Variants in LTBP3 observed in about 807,000 individuals in gnomAD.
LTBP3 encodes the protein latent-transforming growth factor beta-binding protein 3.
Under a neutral mutation model 159.7 loss-of-function variants are expected in LTBP3, and 97 were observed. The observed-to-expected ratio is 0.61, with a 90% CI of 0.52 to 0.72. The LOEUF is 0.72. LTBP3 is among the 30% of genes least tolerant of loss of function. The probability of loss-of-function intolerance (pLI) is 0.00; values close to 1 mark genes in which losing one functional copy is unlikely to be tolerated. For missense variants in LTBP3, 1,584 were observed against 1,864.3 expected (o/e 0.85, Z 2.77); for synonymous variants, 824 against 777.1 (o/e 1.06, Z -1.00).
chr11:65,551,444 T>G lies in LTBP3; in HGVS notation c.1579A>C (p.Ser527Arg), dbSNP rs1856608766. Residue 527 changes from serine (S) to arginine (R), a missense_variant, in exon 10 of 28, where the codon AGC becomes CGC. Physicochemically the swap from Ser to Arg is moderately radical, Grantham distance 110 (BLOSUM62 -1). Coordinates refer to ENST00000301873, the MANE Select transcript of LTBP3 (RefSeq NM_001130144.3). ...GGAGTCGTGGTGGCAGTTGGGTGGC[T>G]CTGCTGCACTGACCTCTCCTCACTC... ...PVSEERSVQQ[S>R]HPTATTTPAR... 2 of 1,613,796 alleles carry G rather than the reference T, an allele frequency of 1.2e-6. No homozygotes were observed. Among genetic ancestry groups the G allele is most frequent in the Admixed American group, 3.3e-5 (2 of 59,994 alleles).
rs1394412946 is a variant in LTBP3, at chr11:65,557,953, C to G, written c.7G>C (p.Gly3Arg). The change falls in exon 1 of 28, where the codon GGG (glycine) becomes CGG (arginine). Residue 3 changes from glycine (G) to arginine (R), a missense_variant. This residue lies in a region of LTBP3 where 79 missense variants were observed against 64.7 expected (regional missense o/e 1.22). Transcript: ENST00000301873. MP[G>R]PRGAAGGLAP... ...AGGCCGCCAGCAGCCCCTCGGGGCCCGGGCATCCGGGGCCGCAGGACCCGG... is the reference window on the plus strand; with the variant it reads ...AGGCCGCCAGCAGCCCCTCGGGGCCGGGGCATCCGGGGCCGCAGGACCCGG... The G allele has an allele frequency of 5.2e-6, 6 of 1,164,746 alleles. No individual in the cohort carries two copies. Among genetic ancestry groups the G allele is most frequent in the Non-Finnish European group, 6.3e-6 (6 of 947,282 alleles). 72.2% of individuals were successfully genotyped at this position (1,164,746 alleles called of 1,614,324 possible).
chr11:65,556,657 G>T (rs1322087818), intron 1 of LTBP3, among the ~76,000 whole-genome samples: 2 of 152,192 alleles, frequency 1.3e-5, no homozygotes, highest in African/African-American at 4.8e-5. Flanking sequence ...CCAGACACAG[G>T]GGCAATATGC....
At position 65,553,594 on chromosome 11, in the gene LTBP3, G is replaced by T; in HGVS notation, c.865-64C>A. 1 of 1,499,782 alleles carries T rather than the reference G, an allele frequency of 6.7e-7. No homozygotes were observed. The highest frequency in any genetic ancestry group is 9.1e-7 in the Non-Finnish European group (1 of 1,093,304). The allele number at this position is 1,499,782 out of a possible 1,614,324, so 92.9% of individuals were successfully genotyped here. A position where few individuals can be genotyped will look rare whatever the true frequency, so the allele number is the denominator to read the frequency against. The stretch of plus-strand genomic sequence containing the variant: ...CGCCCCGGTGCCGCCTGTTAGGGTT[G>T]GGCCTTTTCCTCTTCCCCCGCCCCT... On this transcript the variant is annotated intron_variant, in intron 3 of 27. Transcript: ENST00000301873. The surrounding 1 kb of genome is among the most constrained non-coding windows in gnomAD (Gnocchi z 6.5).
intron 11 of LTBP3, 136 bp from the exon 12 acceptor site, chr11:65,548,181 T>TA: frequency 1.5e-6 from 2 of 1,310,418 alleles, no homozygotes; most frequent in Non-Finnish European, 1.1e-6. Flanking sequence ...CAGGATGTCC[T>TA]ATTTCTCTCT....
intron 18 of LTBP3, 142 bp downstream of exon 18, chr11:65,542,963 T>C: frequency 9.3e-7 from 1 of 1,072,094 alleles, no homozygotes; most frequent in Non-Finnish European, 1.4e-6. Context: ...GATGGATGGA[T>C]GGATGGATGG....
Position 65,541,126 on chromosome 11 carries a change from C to T in LTBP3, c.2893G>A (p.Ala965Thr). 1 of 1,612,822 alleles carries T rather than the reference C, an allele frequency of 6.2e-7. No individual in the cohort carries two copies. The highest frequency in any genetic ancestry group is 8.5e-7 in the Non-Finnish European group (1 of 1,179,770). ...EIYPCPVYSS[A>T]EFHSLCPDGK... The stretch of plus-strand genomic sequence containing the variant: ...GGAAGGGGCCTGCCCGGCTCCTGAC[C>T]TGAGCTGTAGACTGGGCAGGGGTAG... The change falls in exon 20 of 28, where the codon GCC (alanine) becomes ACC (threonine). Residue 965 changes from alanine to threonine, a missense_variant and splice_region_variant. By Grantham distance (58) the Ala-to-Thr change is moderately conservative (BLOSUM62 0). This residue lies in a region of LTBP3 where 514 missense variants were observed against 530.3 expected (regional missense o/e 0.97). Transcript: ENST00000301873.
intron 1 of LTBP3, among the ~76,000 whole-genome samples, chr11:65,555,161 G>A (rs113848084): frequency 3.4e-4 from 52 of 152,156 alleles, no homozygotes; most frequent in African/African-American, 1.1e-3. Context: ...CACTGCTCCT[G>A]CCCTGGCCCA....
chr11:65,541,795 C>G, intron 18 of LTBP3, 67 bp from the exon 19 acceptor site: 1 of 1,583,864 alleles, frequency 6.3e-7, no homozygotes, highest in Admixed American at 1.7e-5. Context: ...CCTCAAGGGC[C>G]TCACACAAGT....
intron 1 of LTBP3, among the ~76,000 whole-genome samples, chr11:65,556,106 G>GA (rs1294336841): frequency 6.6e-6 from 1 of 152,182 alleles, no homozygotes; most frequent in East Asian, 1.9e-4. Flanking sequence ...AGCACAGATG[G>GA]AGACAGCAGC....
chr11:65,556,284 T>G (rs1453268242), intron 1 of LTBP3, among the ~76,000 whole-genome samples: 1 of 152,108 alleles, frequency 6.6e-6, no homozygotes, highest in Non-Finnish European at 1.5e-5. Context: ...TCCCAGCACT[T>G]TGGGAGGCCG....
Position 65,551,129 on chromosome 11 carries a change from T to C in LTBP3, c.1717A>G (p.Thr573Ala). The C allele has an allele frequency of 6.4e-7, 1 of 1,552,852 alleles. No individual in the cohort carries two copies. The part of the protein sequence containing the change: ...SAVEIAPTQV[T>A]ETDECRLNQN... The stretch of plus-strand genomic sequence containing the variant: ...GGCTTTGCTGGGCGGGCCTTACCTG[T>C]GACCTGAGTGGGAGCGATCTCTACG... The change falls in exon 11 of 28, where the codon ACA (threonine) becomes GCA (alanine). Residue 573 changes from threonine to alanine, a missense_variant. Thr to Ala is a moderately conservative substitution (Grantham distance 58). Transcript: ENST00000301873.
At chr11:65,545,344 C>T (rs1186605529) in intron 16 of LTBP3, 1 of 217,444 alleles carries the variant, frequency 4.6e-6, no homozygotes, top group Non-Finnish European at 9.3e-6. Flanking sequence ...GACTCCATAG[C>T]TCCCCCGGTC....
At chr11:65,539,693 C>T (rs549912712) in intron 25 of LTBP3, 27 bp downstream of exon 25, 5 of 1,568,660 alleles carry the variant, frequency 3.2e-6, no homozygotes, top group East Asian at 2.4e-5. Flanking sequence ...TCCTCGCTCC[C>T]GGCCAACTCC....
Position 65,539,348 on chromosome 11 carries a change from G to A in LTBP3, c.3740C>T (p.Ala1247Val), listed in dbSNP as rs996182661. Residue 1247 changes from alanine to valine, a missense_variant, in exon 27 of 28, where the codon GCC becomes GTC. By Grantham distance (64) the Ala-to-Val change is moderately conservative (BLOSUM62 0). This residue lies in a region of LTBP3 where 514 missense variants were observed against 530.3 expected (regional missense o/e 0.97). Coordinates refer to ENST00000301873, the MANE Select transcript of LTBP3 (RefSeq NM_001130144.3). ...CECPGGFQLD[A>V]SRARCVDIDE... ...CTCACCCACGCAGCGGGCGCGGGAG[G>A]CGTCGAGCTGGAAGCCGCCGGGACA... is the stretch of plus-strand genomic sequence containing the variant. The A allele has an allele frequency of 1.3e-6, 2 of 1,529,772 alleles. No homozygotes were observed. Among genetic ancestry groups the A allele is most frequent in the Non-Finnish European group, 1.8e-6 (2 of 1,136,310 alleles). 94.8% of individuals were successfully genotyped at this position (1,529,772 alleles called of 1,614,324 possible). A position where few individuals can be genotyped will look rare whatever the true frequency, so the allele number is the denominator to read the frequency against.
In LTBP3 at chr11:65,551,164, G is replaced by A. The variant is rs1400298165; in HGVS notation, c.1682C>T (p.Ser561Phe). The change falls in exon 11 of 28, where the codon TCC becomes TTC. Residue 561 changes from serine to phenylalanine, a missense_variant. This residue lies in a region of LTBP3 where 565 missense variants were observed against 677.7 expected (regional missense o/e 0.83). Coordinates refer to ENST00000301873, the MANE Select transcript of LTBP3 (RefSeq NM_001130144.3). The part of the protein sequence containing the change: ...MRWFLPDLPP[S>F]RSAVEIAPTQ... ...GGGAGCGATCTCTACGGCGCTGCGGGAAGGAGGCAAGTCCGGCAGGAACCA... is the reference window on the plus strand; with the variant it reads ...GGGAGCGATCTCTACGGCGCTGCGGAAAGGAGGCAAGTCCGGCAGGAACCA... 1.3e-6 allele frequency: 2 copies of A among 1,553,788 alleles called. No homozygotes were observed. The highest frequency in any genetic ancestry group is 1.7e-6 in the Non-Finnish European group (2 of 1,148,972).
In LTBP3 at chr11:65,546,299, G is replaced by T; in HGVS notation, c.2353+143C>A. The T allele has an allele frequency of 1.8e-6, 2 of 1,120,636 alleles. No individual in the cohort carries two copies. The highest frequency in any genetic ancestry group is 1.7e-5 in the South Asian group (1 of 58,340). The allele number at this position is 1,120,636 out of a possible 1,614,324, so 69.4% of individuals were successfully genotyped here. On this transcript the variant is annotated intron_variant, in intron 16 of 27. Coordinates refer to ENST00000301873, the MANE Select transcript of LTBP3 (RefSeq NM_001130144.3). The surrounding 1 kb of genome is among the most constrained non-coding windows in gnomAD (Gnocchi z 4.0). ...TTCTAGTGGTGCCTTCCTTGGCAAA[G>T]TTCGTTGAGAAAATGAGTGAGCAGA... is the stretch of plus-strand genomic sequence containing the variant.
Position 65,540,624 on chromosome 11 carries a change from GACAA to G in LTBP3, c.2978-14_2978-11del, listed in dbSNP as rs750336241. 7 of 1,592,314 alleles carry G rather than the reference GACAA, an allele frequency of 4.4e-6. No homozygotes were observed. The South Asian group carries it at 4.5e-5, about 10-fold the overall frequency. ...ATGCACTCGTCGATGTCTGCGGGGTGACAAACACTGGCCGCTCCGGTCCCGCAGC... is the reference window on the plus strand; with the variant it reads ...ATGCACTCGTCGATGTCTGCGGGGTGACACTGGCCGCTCCGGTCCCGCAGC... On this transcript the variant is annotated splice_polypyrimidine_tract_variant and intron_variant, in intron 21 of 27. Transcript: ENST00000301873.
At position 65,540,078 on chromosome 11, in the gene LTBP3, T is replaced by C; in HGVS notation, c.3320A>G (p.Glu1107Gly). ...CCCGGGCACCCAGGGCGGGCGACAC[T>C]CGCAGCGGTAGGAGCCCGGCAGGTT... is the stretch of plus-strand genomic sequence containing the variant. Reference protein sequence around the residue: ...CVNLPGSYRCECRPPWVPGPS... With the variant: ...CVNLPGSYRCGCRPPWVPGPS... Residue 1107 changes from glutamate (E) to glycine (G), a missense_variant, in exon 24 of 28, where the codon GAG becomes GGG. This residue lies in a region of LTBP3 where 514 missense variants were observed against 530.3 expected (regional missense o/e 0.97). Coordinates refer to ENST00000301873, the MANE Select transcript of LTBP3 (RefSeq NM_001130144.3). 6.6e-7 allele frequency: 1 copy of C among 1,524,328 alleles called. No homozygotes were observed. Among genetic ancestry groups the C allele is most frequent in the South Asian group, 1.2e-5 (1 of 83,054 alleles). 94.4% of individuals were successfully genotyped at this position (1,524,328 alleles called of 1,614,324 possible).
chr11:65,546,880 G>A lies in LTBP3; in HGVS notation c.2148C>T (p.Gly716=), dbSNP rs1018486217. The part of the protein sequence containing the change: ...ECRDPSSCPD[G]KCENKPGSFK... ...AGCTCCCGGGCTTGTTCTCGCATTT[G>A]CCATCCGGGCAAGAGCTTGGGTCCC... The change falls in exon 15 of 28, where the codon GGC becomes GGT. Residue 716 remains glycine, a synonymous_variant. Coordinates refer to ENST00000301873, the MANE Select transcript of LTBP3 (RefSeq NM_001130144.3). This position sits in a 1 kb window ranked among gnomAD's most constrained non-coding sequence, Gnocchi z 4.0. The A allele has an allele frequency of 1.2e-6, 2 of 1,612,552 alleles. No individual in the cohort carries two copies. Among genetic ancestry groups the A allele is most frequent in the Non-Finnish European group, 1.7e-6 (2 of 1,179,980 alleles).
Sources: gnomAD v4.1 joint callset for allele counts (sites outside exome capture counted in the v4.1 genomes callset) on GRCh38, gnomAD v4.1.1 for gene constraint, gnomAD v4.1.1 regional missense constraint, Gnocchi (gnomAD v3.1) non-coding constraint, MANE v1.5 for transcripts, NCBI Gene and HGNC (gene_info 2026-07-23, HGNC 2026-07-21) for gene names.